SH3GL3: variants seen among roughly 807,000 people sequenced by gnomAD.
The protein encoded by SH3GL3 is endophilin-A3.
A neutral mutation model predicts 47.7 loss-of-function variants in SH3GL3; 33 were observed. That is an observed-to-expected ratio of 0.69 (90% CI 0.52 to 0.92). The LOEUF (loss-of-function observed/expected upper bound fraction) is 0.92, where lower values mean the gene tolerates loss of function less well. SH3GL3 is among the 40% of genes least tolerant of loss of function. The pLI is 0.00. For missense variants in SH3GL3, 363 were observed against 417.8 expected (o/e 0.87, Z 1.14); for synonymous variants, 155 against 148.8 (o/e 1.04, Z -0.30).
chr15:83,490,204 G>A (rs541216344), intron 1 of SH3GL3, among the ~76,000 whole-genome samples: 1 of 152,058 alleles, frequency 6.6e-6, no homozygotes, highest in African/African-American at 2.4e-5. Context: ...TTCTCTGTGG[G>A]TCTAAGCTGG....
intron 1 of SH3GL3, among the ~76,000 whole-genome samples, chr15:83,534,827 T>C (rs1469606890): frequency 2.0e-5 from 3 of 152,190 alleles, no homozygotes; most frequent in African/African-American, 7.2e-5. Flanking sequence ...TTTGTTGTTG[T>C]TGTTAAACAA....
intron 1 of SH3GL3, among the ~76,000 whole-genome samples, chr15:83,543,287 T>C (rs1331613469): frequency 2.0e-5 from 3 of 152,182 alleles, no homozygotes; most frequent in Admixed American, 6.5e-5. Context: ...CACTAATTGA[T>C]TTGCATATAT....
intron 1 of SH3GL3, among the ~76,000 whole-genome samples, chr15:83,515,953 A>G (rs1320762077): frequency 2.6e-5 from 4 of 152,266 alleles, no homozygotes; most frequent in African/African-American, 4.8e-5. Context: ...ACAGTAATAA[A>G]TTGATTTATC....
At chr15:83,485,209 GT>G (rs1438884590) in intron 1 of SH3GL3, among the ~76,000 whole-genome samples, 2 of 152,104 alleles carry the variant, frequency 1.3e-5, no homozygotes, top group African/African-American at 2.4e-5. Flanking sequence ...TGAGGAAAGT[GT>G]TTTTTTCTGG....
intron 1 of SH3GL3, among the ~76,000 whole-genome samples, chr15:83,543,169 T>C (rs2044246793): frequency 6.6e-6 from 1 of 152,098 alleles, no homozygotes; most frequent in Non-Finnish European, 1.5e-5. Context: ...TCCAGTTTTT[T>C]TAGGGTTTTT....
At chr15:83,568,779 C>CTTTGGTAATATG in intron 4 of SH3GL3, 107 bp downstream of exon 4, 3 of 743,740 alleles carry the variant, frequency 4.0e-6, no homozygotes, top group Non-Finnish European at 6.5e-6. Flanking sequence ...TTCCATATTA[C>CTTTGGTAATATG]CAAAGTAATA....
chr15:83,481,707 G>GT (rs1291062924), intron 1 of SH3GL3, among the ~76,000 whole-genome samples: 3 of 152,076 alleles, frequency 2.0e-5, no homozygotes, highest in Non-Finnish European at 4.4e-5. Flanking sequence ...AGGATTGATC[G>GT]TTTTTTTCCC....
intron 1 of SH3GL3, among the ~76,000 whole-genome samples, chr15:83,536,256 T>G (rs1274183054): frequency 6.6e-6 from 1 of 152,156 alleles, no homozygotes. Context: ...TTTCTGGATA[T>G]GGTGGACAGG....
intron 1 of SH3GL3, among the ~76,000 whole-genome samples, chr15:83,549,930 A>G (rs1447775151): frequency 1.3e-5 from 2 of 152,018 alleles, no homozygotes; most frequent in Non-Finnish European, 2.9e-5. Context: ...ACTCCCCTCA[A>G]TGCATTTCCC....
At chr15:83,579,373 G>A (rs555815448) in intron 6 of SH3GL3, among the ~76,000 whole-genome samples, 1 of 152,204 alleles carries the variant, frequency 6.6e-6, no homozygotes, top group Non-Finnish European at 1.5e-5. Context: ...CCTCAGCCTG[G>A]ATCCTGGGGT....
At chr15:83,575,501 C>T (rs1169559762) in intron 5 of SH3GL3, among the ~76,000 whole-genome samples, 1 of 152,160 alleles carries the variant, frequency 6.6e-6, no homozygotes, top group Non-Finnish European at 1.5e-5. Context: ...GTTAAGAGTC[C>T]AAGGTTTAGG....
chr15:83,621,932 C>T (rs979459161), downstream of SH3GL3, among the ~76,000 whole-genome samples: 7 of 152,132 alleles, frequency 4.6e-5, no homozygotes, highest in East Asian at 5.8e-4. Flanking sequence ...TCTGATTCCA[C>T]GGTACATCAC....
rs144447108 is a variant in SH3GL3, at chr15:83,576,663, A to G, written c.546A>G (p.Glu182=). 901 of 1,613,956 alleles carry G rather than the reference A, an allele frequency of 5.6e-4. 2 individuals are homozygous for G. The highest frequency in any genetic ancestry group is 7.0e-4 in the Non-Finnish European group (831 of 1,179,802). The change falls in exon 6 of 9, where the codon GAA becomes GAG. Residue 182 remains glutamate (E), a synonymous_variant. Transcript: ENST00000427482. The part of the protein sequence containing the change: ...KKRVGKIPDE[E]VRQAVEKFEE... ...GAGTAGGTAAGATACCAGACGAAGAAGTCAGACAAGCGGTAGAAAAATTTG... is the reference window on the plus strand; with the variant it reads ...GAGTAGGTAAGATACCAGACGAAGAGGTCAGACAAGCGGTAGAAAAATTTG...
intron 8 of SH3GL3, chr15:83,609,561 C>T: frequency 3.5e-6 from 1 of 287,898 alleles, no homozygotes; most frequent in Non-Finnish European, 7.1e-6. Flanking sequence ...TCCCCTTTGC[C>T]CCTTGAAATA....
At chr15:83,519,411 A>AG (rs750178695) in intron 1 of SH3GL3, among the ~76,000 whole-genome samples, 1 of 152,080 alleles carries the variant, frequency 6.6e-6, no homozygotes, top group Non-Finnish European at 1.5e-5. Flanking sequence ...ATTCGTAGGT[A>AG]ATTTTTTGTG....
chr15:83,592,250 T>A (rs2060127285), intron 8 of SH3GL3, among the ~76,000 whole-genome samples: 1 of 152,220 alleles, frequency 6.6e-6, no homozygotes, highest in Non-Finnish European at 1.5e-5. Context: ...TCTCCCTCCC[T>A]TCACCCTTCC....
chr15:83,450,314 G>A (rs980709156), intron 1 of SH3GL3, among the ~76,000 whole-genome samples: 4 of 152,138 alleles, frequency 2.6e-5, no homozygotes, highest in Non-Finnish European at 4.4e-5. Flanking sequence ...GTGTCTCTGG[G>A]TGTGTGTGTA....
At chr15:83,524,988 T>G (rs2043355070) in intron 1 of SH3GL3, among the ~76,000 whole-genome samples, 1 of 152,206 alleles carries the variant, frequency 6.6e-6, no homozygotes, top group African/African-American at 2.4e-5. Context: ...TGTATCTCTT[T>G]GATATACTGA....
At chr15:83,571,083 T>C (rs139421278) in intron 4 of SH3GL3, among the ~76,000 whole-genome samples, 57 of 152,338 alleles carry the variant, frequency 3.7e-4, no homozygotes, top group African/African-American at 1.3e-3. Flanking sequence ...GCTGTGCCGT[T>C]GGATGTTTTC....
Sources: allele counts gnomAD v4.1 joint callset (sites outside exome capture counted in the v4.1 genomes callset), GRCh38; gene constraint gnomAD v4.1.1; transcripts MANE v1.5; gene names NCBI Gene and HGNC (gene_info 2026-07-23, HGNC 2026-07-21).